RBM44: variants seen among roughly 807,000 people sequenced by gnomAD.
RBM44 encodes the protein RNA-binding protein 44.
Under a neutral mutation model 105.1 loss-of-function variants are expected in RBM44, and 66 were observed. The observed-to-expected ratio is 0.63, with a 90% CI of 0.52 to 0.77. RBM44 has a LOEUF of 0.77. Among genes scored for constraint, RBM44 ranks in the 30% least tolerant of loss-of-function variants. The pLI is 0.00. For missense variants in RBM44, 1,122 were observed against 1,207.8 expected, an observed-to-expected ratio of 0.93 and a Z score of 1.05; for synonymous variants, 365 against 417.6, an observed-to-expected ratio of 0.87 and a Z score of 1.54.
At chr2:237,837,623 T>C (rs963178621) in intron 15 of RBM44, among the ~76,000 whole-genome samples, 15 of 152,326 alleles carry the variant, frequency 9.8e-5, no homozygotes, top group Admixed American at 3.3e-4. Flanking sequence ...AAAATTTGAA[T>C]AGATGAGAAG....
At chr2:237,840,641 C>T (rs1303506287) in intron 15 of RBM44, among the ~76,000 whole-genome samples, 1 of 152,006 alleles carries the variant, frequency 6.6e-6, no homozygotes, top group African/African-American at 2.4e-5. Context: ...AACAGATAAC[C>T]CACAGAATAT....
Position 237,829,441 on chromosome 2 carries a change from C to T in RBM44, c.2825C>T (p.Pro942Leu), listed in dbSNP as rs768430542. The change falls in exon 13 of 16, where the codon CCC becomes CTC. Residue 942 changes from proline (P) to leucine (L), a missense_variant. By Grantham distance (98) the Pro-to-Leu change is moderately conservative. This residue lies in a region of RBM44 where 194 missense variants were observed against 225.5 expected (regional missense o/e 0.86). Coordinates refer to ENST00000316997, the MANE Select transcript of RBM44 (RefSeq NM_001080504.3). The stretch of plus-strand genomic sequence containing the variant: ...TCAGAATTCTCCATTTCTAGATTGC[C>T]CAGAACTAGGCCACGGCAGCTGGGT... ...IHSEFSISRL[P>L]RTRPRQLGSE... is the part of the protein sequence containing the mutation. The T allele has an allele frequency of 6.8e-6, 11 of 1,613,576 alleles. No homozygotes were observed. Among genetic ancestry groups the T allele is most frequent in the Non-Finnish European group, 8.5e-6 (10 of 1,179,724 alleles).
At chr2:237,806,584 A>G (rs1165464291) in intron 1 of RBM44, among the ~76,000 whole-genome samples, 1 of 152,162 alleles carries the variant, frequency 6.6e-6, no homozygotes, top group Non-Finnish European at 1.5e-5. Flanking sequence ...CAAGGACTTC[A>G]AGCAAAGCAG....
At chr2:237,829,535 T>C (rs1228360621) in intron 13 of RBM44, 33 bp downstream of exon 13, 1 of 1,556,768 alleles carries the variant, frequency 6.4e-7, no homozygotes, top group Non-Finnish European at 8.7e-7. Flanking sequence ...TTAAATGGTC[T>C]TTGTACGTCA....
In RBM44 at chr2:237,818,227, T is replaced by C; in HGVS notation, c.1308T>C (p.Ser436=). 6.2e-7 allele frequency: 1 copy of C among 1,613,228 alleles called. No homozygotes were observed. Among genetic ancestry groups the C allele is most frequent in the Non-Finnish European group, 8.5e-7 (1 of 1,179,512 alleles). ...CGTCCCTAAAAGTTGCTCATAGCAG[T>C]ACCACAAAGAAAACATGCTTTCACA... ...DNTSLKVAHS[S]TTKKTCFHNI... is the part of the protein sequence containing the mutation. The change falls in exon 3 of 16, where the codon AGT becomes AGC. Residue 436 remains serine (S), a synonymous_variant. Transcript: ENST00000316997. This position sits in a 1 kb window ranked among gnomAD's most constrained non-coding sequence, Gnocchi z 4.6.
chr2:237,808,443 C>T (rs2061621100), intron 1 of RBM44, among the ~76,000 whole-genome samples: 1 of 151,220 alleles, frequency 6.6e-6, no homozygotes, highest in Non-Finnish European at 1.5e-5. Flanking sequence ...GAGCAAGGCC[C>T]TGTCCCCTCA....
rs1240991047 is a variant in RBM44, at chr2:237,817,335, A to C, written c.416A>C (p.Lys139Thr). 1 of 1,603,098 alleles carries C rather than the reference A, an allele frequency of 6.2e-7. No homozygotes were observed. The change falls in exon 3 of 16, where the codon AAA becomes ACA. Residue 139 changes from lysine to threonine, a missense_variant. This residue lies in a region of RBM44 where 918 missense variants were observed against 955.3 expected (regional missense o/e 0.96). Transcript: ENST00000316997. Reference sequence around the variant, plus strand: ...TCAGAATTAGATCCTGAAGTGCAGAAAAAAGAGGAGGTTTTTTTTAATATT... The same window carrying C: ...TCAGAATTAGATCCTGAAGTGCAGACAAAAGAGGAGGTTTTTTTTAATATT... ...LSSELDPEVQ[K>T]KEEVFFNILE...
chr2:237,814,355 T>G (rs2061690633), intron 2 of RBM44, among the ~76,000 whole-genome samples: 1 of 152,134 alleles, frequency 6.6e-6, no homozygotes, highest in Non-Finnish European at 1.5e-5. Context: ...AGTTATACAA[T>G]GAAGATGTCA....
At chr2:237,814,440 C>T (rs2061691514) in intron 2 of RBM44, among the ~76,000 whole-genome samples, 1 of 152,046 alleles carries the variant, frequency 6.6e-6, no homozygotes, top group Admixed American at 6.6e-5. Context: ...GGAAAGGCTA[C>T]TGGAGATTGG....
chr2:237,840,807 G>T (rs183645747), intron 15 of RBM44, among the ~76,000 whole-genome samples: 1 of 152,240 alleles, frequency 6.6e-6, no homozygotes, highest in African/African-American at 2.4e-5. Flanking sequence ...TGGCCAACAA[G>T]CATATGAAAA....
chr2:237,818,287 T>C lies in RBM44; in HGVS notation c.1368T>C (p.Asp456=), dbSNP rs2061743974. ...IGEMCTKSLT[D]AASCTVTINQ... Reference sequence around the variant, plus strand: ...AAATGTGTACTAAATCATTGACAGATGCAGCAAGTTGTACAGTCACAATTA... The same window carrying C: ...AAATGTGTACTAAATCATTGACAGACGCAGCAAGTTGTACAGTCACAATTA... Residue 456 remains aspartate (D), a synonymous_variant, in exon 3 of 16, where the codon GAT becomes GAC. Transcript: ENST00000316997. This position sits in a 1 kb window ranked among gnomAD's most constrained non-coding sequence, Gnocchi z 4.6. The C allele has an allele frequency of 6.2e-7, 1 of 1,613,392 alleles. No individual in the cohort carries two copies. The highest frequency in any genetic ancestry group is 8.5e-7 in the Non-Finnish European group (1 of 1,179,552).
intron 1 of RBM44, among the ~76,000 whole-genome samples, chr2:237,811,448 T>C (rs1381122591): frequency 2.0e-5 from 3 of 152,050 alleles, no homozygotes; most frequent in African/African-American, 7.2e-5. Flanking sequence ...TTTTAATTTT[T>C]TGTGGAGTCG....
intron 1 of RBM44, among the ~76,000 whole-genome samples, chr2:237,807,483 A>T (rs541126892): frequency 2.0e-5 from 3 of 152,370 alleles, no homozygotes; most frequent in African/African-American, 7.2e-5. Context: ...TCTCAAAAGC[A>T]TCTGAGAACT....
At position 237,813,812 on chromosome 2, in the gene RBM44, T is replaced by C. The variant is rs1576501696; in HGVS notation, c.73+130T>C. The stretch of plus-strand genomic sequence containing the variant: ...CTCTAAGGTGGTAAGACTCAGTATA[T>C]TTTTAACTTGCCAAATTGACTCAGG... On this transcript the variant is annotated intron_variant, in intron 2 of 15. Transcript: ENST00000316997. 4.9e-6 allele frequency: 3 copies of C among 612,416 alleles called. No individual in the cohort carries two copies. The East Asian group carries it at 8.6e-5, about 18-fold the overall frequency. 37.9% of individuals were successfully genotyped at this position (612,416 alleles called of 1,614,324 possible). A position where few individuals can be genotyped will look rare whatever the true frequency, so the allele number is the denominator to read the frequency against.
chr2:237,806,510 G>A lies in RBM44; in HGVS notation c.-18-7082G>A, dbSNP rs192298253. On this transcript the variant is annotated intron_variant, in intron 1 of 15. Transcript: ENST00000316997. Reference sequence around the variant, plus strand: ...TTCTGAGAGAAAGGAAACACCCAGCGTGAGTCCTATGATGATAGCCTGGCT... The same window carrying A: ...TTCTGAGAGAAAGGAAACACCCAGCATGAGTCCTATGATGATAGCCTGGCT... Among the ~76,000 whole-genome samples the A allele has an allele frequency of 2.3e-3, 347 of 152,246 alleles. 2 individuals carry two copies. Among genetic ancestry groups the A allele is most frequent in the African/African-American group, 7.7e-3 (320 of 41,556 alleles).
intron 2 of RBM44, among the ~76,000 whole-genome samples, chr2:237,813,966 G>A (rs994811575): frequency 1.3e-5 from 2 of 152,136 alleles, no homozygotes; most frequent in Non-Finnish European, 2.9e-5. Context: ...CCTTCAGGGT[G>A]ATAATCAGAA....
Position 237,824,428 on chromosome 2 carries a change from T to G in RBM44, c.2449+9T>G. On this transcript the variant is annotated intron_variant, in intron 10 of 15. Coordinates refer to ENST00000316997, the MANE Select transcript of RBM44 (RefSeq NM_001080504.3). ...TTTGGATCTTACAGGAGGTTGGTTCTCAAGAATTTACCGAGAAATCCTAAC... is the reference window on the plus strand; with the variant it reads ...TTTGGATCTTACAGGAGGTTGGTTCGCAAGAATTTACCGAGAAATCCTAAC... 1 of 1,610,406 alleles carries G rather than the reference T, an allele frequency of 6.2e-7. No homozygotes were observed. The highest frequency in any genetic ancestry group is 1.7e-5 in the Admixed American group (1 of 59,764).
chr2:237,817,170 G>C lies in RBM44; in HGVS notation c.251G>C (p.Ser84Thr). ...TTATTAGAGCCATTTTTTTCAGTGA[G>C]TCAAGATACTAACACAGAGAGTACT... ...MDLLEPFFSV[S>T]QDTNTESTQF... Residue 84 changes from serine to threonine, a missense_variant, in exon 3 of 16, where the codon AGT becomes ACT. Ser to Thr is a moderately conservative substitution (Grantham distance 58). Transcript: ENST00000316997. The C allele has an allele frequency of 6.2e-7, 1 of 1,606,072 alleles. No homozygotes were observed. The highest frequency in any genetic ancestry group is 1.3e-5 in the African/African-American group (1 of 74,462).
In RBM44 at chr2:237,804,406, C is replaced by T. The variant is rs557636091; in HGVS notation, c.-19+5545C>T. On this transcript the variant is annotated intron_variant, in intron 1 of 15. Transcript: ENST00000316997. ...CACAGTAGTTGGACTAATTTACATT[C>T]CCACCAACAGTTCCCCTTTCTCCAC... Among the ~76,000 whole-genome samples, 19 of 152,324 alleles carry T rather than the reference C, an allele frequency of 1.2e-4. No homozygotes were observed. The South Asian group carries it at 3.1e-3, about 25-fold the overall frequency.
Sources: allele counts gnomAD v4.1 joint callset (sites outside exome capture counted in the v4.1 genomes callset), GRCh38; gene constraint gnomAD v4.1.1; regional missense constraint gnomAD v4.1.1; non-coding constraint Gnocchi (gnomAD v3.1); transcripts MANE v1.5; gene names NCBI Gene and HGNC (gene_info 2026-07-23, HGNC 2026-07-21).